UBE3A: variants seen among roughly 807,000 people sequenced by gnomAD.
UBE3A encodes the protein ubiquitin-protein ligase E3A.
A neutral mutation model predicts 83.4 loss-of-function variants in UBE3A; 6 were observed. That is an observed-to-expected ratio of 0.07 (90% CI 0.04 to 0.14). UBE3A has a LOEUF of 0.14. UBE3A is among the 10% of genes least tolerant of loss of function. UBE3A has a pLI of 1.00. For missense variants in UBE3A, 456 were observed against 1,036.1 expected, an observed-to-expected ratio of 0.44 and a Z score of 7.69; for synonymous variants, 337 against 355.4, an observed-to-expected ratio of 0.95 and a Z score of 0.58.
At chr15:25,357,929 C>T (rs565878393) in intron 7 of UBE3A, among the ~76,000 whole-genome samples, 8 of 109,182 alleles carry the variant, frequency 7.3e-5, no homozygotes, top group African/African-American at 1.5e-4. Context: ...TTTTTTGAGA[C>T]GGTCTCGCTC....
chr15:25,378,379 C>G (rs1359579814), intron 4 of UBE3A, among the ~76,000 whole-genome samples: 1 of 152,106 alleles, frequency 6.6e-6, no homozygotes, highest in African/African-American at 2.4e-5. Flanking sequence ...GTCTGGGCCT[C>G]AGTTTTCCCA....
intron 2 of UBE3A, among the ~76,000 whole-genome samples, chr15:25,411,518 A>C (rs1353094144): frequency 6.6e-6 from 1 of 152,202 alleles, no homozygotes; most frequent in Non-Finnish European, 1.5e-5. Context: ...TGAACCTGGG[A>C]GATGGACGTT....
chr15:25,348,475 G>A (rs2076042446), intron 11 of UBE3A, among the ~76,000 whole-genome samples: 1 of 152,052 alleles, frequency 6.6e-6, no homozygotes, highest in Non-Finnish European at 1.5e-5. Flanking sequence ...TCTACCAAAG[G>A]TTCTAGCCAG....
rs1183566972 is a variant in UBE3A at position 25,339,062 on chromosome 15, T to A, written c.*75A>T. 1.0e-5 allele frequency: 15 copies of A among 1,432,170 alleles called. No homozygotes were observed. The highest frequency in any genetic ancestry group is 1.3e-5 in the Non-Finnish European group (14 of 1,092,970). 88.7% of individuals were successfully genotyped at this position (1,432,170 alleles called of 1,614,324 possible). Reference sequence around the variant, plus strand: ...TCACCACCAAAAATTTATCCCTCGTTATATTTTTAAAATTTTTTAAATTTT... The same window carrying A: ...TCACCACCAAAAATTTATCCCTCGTAATATTTTTAAAATTTTTTAAATTTT... On this transcript the variant is annotated 3_prime_UTR_variant, in exon 13 of 13. Transcript: ENST00000648336.
chr15:25,360,720 G>A (rs750732754), intron 6 of UBE3A, among the ~76,000 whole-genome samples, 193 bp from the exon 7 acceptor site: 10 of 152,192 alleles, frequency 6.6e-5, no homozygotes. Context: ...CAAAAAGACA[G>A]ACACAAAACA....
intron 4 of UBE3A, among the ~76,000 whole-genome samples, chr15:25,400,938 G>A (rs1230599296): frequency 6.6e-6 from 1 of 152,118 alleles, no homozygotes; most frequent in Non-Finnish European, 1.5e-5. Context: ...CAGTGTGTTT[G>A]TCAATATGGC....
Position 25,409,402 on chromosome 15 carries a change from T to C in UBE3A, c.-100-195A>G, listed in dbSNP as rs762874140. On this transcript the variant is annotated intron_variant, in intron 2 of 12. Transcript: ENST00000648336. Reference sequence around the variant, plus strand: ...TAAATGATCTCTTCATTTGAGAAAATGTAATAATTCCTTGTACTTTTATGT... The same window carrying C: ...TAAATGATCTCTTCATTTGAGAAAACGTAATAATTCCTTGTACTTTTATGT... 507 of 322,644 alleles carry C rather than the reference T, an allele frequency of 1.6e-3. 1 individual carries two copies. The highest frequency in any genetic ancestry group is 1.6e-3 in the Non-Finnish European group (282 of 174,682). 20.0% of individuals were successfully genotyped at this position (322,644 alleles called of 1,614,324 possible). A position where few individuals can be genotyped will look rare whatever the true frequency, so the allele number is the denominator to read the frequency against.
intron 1 of UBE3A, among the ~76,000 whole-genome samples, chr15:25,435,714 G>C (rs1454798381): frequency 6.6e-6 from 1 of 152,132 alleles, no homozygotes; most frequent in Non-Finnish European, 1.5e-5. Flanking sequence ...ATAAACTTCT[G>C]TTGTTTATAA....
At chr15:25,356,182 A>G in intron 8 of UBE3A, 126 bp from the exon 9 acceptor site, 2 of 1,148,864 alleles carry the variant, frequency 1.7e-6, no homozygotes, top group Non-Finnish European at 2.6e-6. Context: ...TGTAGACAGT[A>G]TCCCTCCAGT....
intron 1 of UBE3A, among the ~76,000 whole-genome samples, chr15:25,429,727 T>C (rs555000370): frequency 2.8e-4 from 42 of 151,612 alleles, no homozygotes; most frequent in Non-Finnish European, 5.9e-4. Context: ...GTAATAGGAT[T>C]GGTGTGGTGG....
At chr15:25,437,598 A>T (rs116789027) in intron 1 of UBE3A, among the ~76,000 whole-genome samples, 1 of 152,216 alleles carries the variant, frequency 6.6e-6, no homozygotes, top group Non-Finnish European at 1.5e-5. Flanking sequence ...CATTTTCAAC[A>T]GCACCCTCGC....
At chr15:25,435,007 C>T (rs1208901084) in intron 1 of UBE3A, among the ~76,000 whole-genome samples, 1 of 145,632 alleles carries the variant, frequency 6.9e-6, no homozygotes, top group East Asian at 2.1e-4. Flanking sequence ...CACACACACA[C>T]ACACACACAC....
rs1321290044 is a variant in UBE3A, at chr15:25,339,123, T to C, written c.*14A>G. Reference sequence around the variant, plus strand: ...TTCCTTCCTTTTTTTTGTTTTATTTTGTTTTGTTTTGTTTTACAGCATGCC... The same window carrying C: ...TTCCTTCCTTTTTTTTGTTTTATTTCGTTTTGTTTTGTTTTACAGCATGCC... On this transcript the variant is annotated 3_prime_UTR_variant, in exon 13 of 13. Coordinates refer to ENST00000648336, the MANE Select transcript of UBE3A (RefSeq NM_130839.5). 1 of 1,510,748 alleles carries C rather than the reference T, an allele frequency of 6.6e-7. No individual in the cohort carries two copies. Among genetic ancestry groups the C allele is most frequent in the Admixed American group, 2.4e-5 (1 of 42,406 alleles). 93.6% of individuals were successfully genotyped at this position (1,510,748 alleles called of 1,614,324 possible).
At chr15:25,369,767 T>C (rs751409957) in intron 6 of UBE3A, among the ~76,000 whole-genome samples, 1 of 152,162 alleles carries the variant, frequency 6.6e-6, no homozygotes, top group Admixed American at 6.5e-5. Context: ...GCCACTCTTA[T>C]ATTCTTAAAC....
intron 7 of UBE3A, 45 bp from the exon 8 acceptor site, chr15:25,356,941 TAAG>T: frequency 6.8e-7 from 1 of 1,464,738 alleles, no homozygotes; most frequent in South Asian, 1.2e-5. Context: ...TGTATTTTAT[TAAG>T]GACTGATGAA....
chr15:25,408,721 T>C, intron 3 of UBE3A: 1 of 1,511,724 alleles, frequency 6.6e-7, no homozygotes, highest in Non-Finnish European at 9.0e-7. Flanking sequence ...ATTAATGTTA[T>C]AAAAACTTCT....
intron 7 of UBE3A, chr15:25,357,414 T>C (rs1466897252): frequency 6.4e-6 from 1 of 155,304 alleles, no homozygotes; most frequent in Non-Finnish European, 1.4e-5. Context: ...AGTGGCACGA[T>C]CTCAGCTCAC....
chr15:25,391,043 T>C (rs1014080794), intron 4 of UBE3A, among the ~76,000 whole-genome samples: 1 of 152,164 alleles, frequency 6.6e-6, no homozygotes, highest in Non-Finnish European at 1.5e-5. Flanking sequence ...AAAAAAATAT[T>C]TGTATACCCA....
At chr15:25,344,623 A>C (rs1257599633) in intron 11 of UBE3A, among the ~76,000 whole-genome samples, 1 of 152,256 alleles carries the variant, frequency 6.6e-6, no homozygotes, top group African/African-American at 2.4e-5. Context: ...TAATATTCAA[A>C]AAGGCAGCAA....
Sources: allele counts gnomAD v4.1 joint callset (sites outside exome capture counted in the v4.1 genomes callset), GRCh38; gene constraint gnomAD v4.1.1; transcripts MANE v1.5; gene names NCBI Gene and HGNC (gene_info 2026-07-23, HGNC 2026-07-21).